Variants in SSBP2 observed in about 807,000 individuals in gnomAD.
SSBP2 encodes single-stranded DNA-binding protein 2.
Under a neutral mutation model 61.8 loss-of-function variants are expected in SSBP2, and 17 were observed. That is an observed-to-expected ratio of 0.28 (90% CI 0.19 to 0.41). The LOEUF (loss-of-function observed/expected upper bound fraction) is 0.41. SSBP2 is among the 10% of genes least tolerant of loss of function. The pLI is 1.00. For synonymous variants in SSBP2, 139 were observed against 141.3 expected, an observed-to-expected ratio of 0.98 and a Z score of 0.12; for missense variants, 310 against 458.7, an observed-to-expected ratio of 0.68 and a Z score of 2.96.
intron 4 of SSBP2, among the ~76,000 whole-genome samples, chr5:81,550,971 C>G (rs1772134310): frequency 6.6e-6 from 1 of 151,744 alleles, no homozygotes; most frequent in Non-Finnish European, 1.5e-5. Flanking sequence ...TGGCAGGCGC[C>G]TGTAGTCCCA....
intron 3 of SSBP2, chr5:81,616,164 T>A (rs1342192306): frequency 6.6e-6 from 1 of 151,982 alleles, no homozygotes; most frequent in Admixed American, 6.6e-5. Flanking sequence ...AGAAGACGGG[T>A]GATTTCTGCA....
At chr5:81,732,046 AT>A (rs1211290656) in intron 1 of SSBP2, among the ~76,000 whole-genome samples, 2 of 152,072 alleles carry the variant, frequency 1.3e-5, no homozygotes, top group East Asian at 3.8e-4. Flanking sequence ...CTCTAATATC[AT>A]CCACCTATGT....
chr5:81,487,258 T>C (rs892841339), intron 6 of SSBP2, among the ~76,000 whole-genome samples: 10 of 152,214 alleles, frequency 6.6e-5, no homozygotes, highest in Admixed American at 5.9e-4. Context: ...TCGGGTTATA[T>C]ACATACAGTG....
At chr5:81,588,243 G>A (rs1239242484) in intron 4 of SSBP2, among the ~76,000 whole-genome samples, 1 of 152,056 alleles carries the variant, frequency 6.6e-6, no homozygotes, top group African/African-American at 2.4e-5. Flanking sequence ...ATGCCTGGCT[G>A]AAAGACAATT....
intron 4 of SSBP2, among the ~76,000 whole-genome samples, chr5:81,530,025 G>C (rs1770273497): frequency 6.6e-6 from 1 of 151,978 alleles, no homozygotes; most frequent in Admixed American, 6.6e-5. Flanking sequence ...CAGAGATAGC[G>C]ATACAGAGAA....
At chr5:81,594,429 T>A (rs1273912211) in intron 4 of SSBP2, among the ~76,000 whole-genome samples, 1 of 152,116 alleles carries the variant, frequency 6.6e-6, no homozygotes, top group Non-Finnish European at 1.5e-5. Flanking sequence ...ATTAGACAGA[T>A]CAACGAGACA....
At chr5:81,704,079 T>G (rs924696728) in intron 1 of SSBP2, among the ~76,000 whole-genome samples, 2 of 152,196 alleles carry the variant, frequency 1.3e-5, no homozygotes, top group Admixed American at 1.3e-4. Flanking sequence ...ACTGTCCAGG[T>G]TCCACTGGCA....
intron 4 of SSBP2, among the ~76,000 whole-genome samples, chr5:81,573,333 T>C (rs1561553449): frequency 2.0e-5 from 3 of 152,210 alleles, no homozygotes; most frequent in Non-Finnish European, 4.4e-5. Flanking sequence ...ACACAGATAA[T>C]CCCAGAAGGG....
chr5:81,735,658 C>T (rs1398714118), intron 1 of SSBP2, among the ~76,000 whole-genome samples: 3 of 152,116 alleles, frequency 2.0e-5, no homozygotes, highest in South Asian at 2.1e-4. Context: ...GTTGAATCCT[C>T]GGATGTAGAA....
intron 3 of SSBP2, among the ~76,000 whole-genome samples, chr5:81,625,780 G>T (rs941645728): frequency 1.3e-5 from 2 of 152,286 alleles, no homozygotes; most frequent in Middle Eastern, 3.4e-3. Context: ...GGTTGTCAGA[G>T]AAGTCTACAA....
intron 4 of SSBP2, among the ~76,000 whole-genome samples, chr5:81,563,934 G>T (rs558480345): frequency 6.6e-6 from 1 of 152,262 alleles, no homozygotes; most frequent in African/African-American, 2.4e-5. Context: ...ATCAGTGGGT[G>T]TAAAGGCAAC....
At chr5:81,475,890 AATTGTGTGTGTATACAC>A (rs750319326) in intron 6 of SSBP2, among the ~76,000 whole-genome samples, 8 of 152,106 alleles carry the variant, frequency 5.3e-5, no homozygotes, top group African/African-American at 9.7e-5. Context: ...CTGATTGAAT[AATTGTGTGTGTATACAC>A]ATACACACAG....
chr5:81,724,702 G>A (rs940506533), intron 1 of SSBP2, among the ~76,000 whole-genome samples: 1 of 151,892 alleles, frequency 6.6e-6, no homozygotes, highest in African/African-American at 2.4e-5. Context: ...AAAATGGAGA[G>A]GGATATGTAA....
rs139574249 is a variant in SSBP2 at position 81,727,645 on chromosome 5, C to T, written c.62+23336G>A. 4.6e-5 allele frequency among the ~76,000 whole-genome samples: 7 copies of T among 152,202 alleles called. No homozygotes were observed. In the East Asian group the frequency reaches 5.8e-4, roughly 13 times the overall value. Reference sequence around the variant, plus strand: ...ATTTTATGGAAATATTCATCAAATGCGTATAATTTGAGATTTTTCTCAGAG... The same window carrying T: ...ATTTTATGGAAATATTCATCAAATGTGTATAATTTGAGATTTTTCTCAGAG... On this transcript the variant is annotated intron_variant, in intron 1 of 16. Coordinates refer to ENST00000320672, the MANE Select transcript of SSBP2 (RefSeq NM_012446.5).
At chr5:81,750,810 G>C in intron 1 of SSBP2, 171 bp downstream of exon 1, 1 of 722,556 alleles carries the variant, frequency 1.4e-6, no homozygotes, top group Non-Finnish European at 2.2e-6. Flanking sequence ...CACCTCCCGG[G>C]AAAGCGCAGC....
intron 1 of SSBP2, among the ~76,000 whole-genome samples, chr5:81,663,265 CCTAA>C (rs1174990625): frequency 3.3e-5 from 5 of 152,220 alleles, no homozygotes; most frequent in South Asian, 2.1e-4. Flanking sequence ...ACAGCTAATT[CCTAA>C]CTCTCTTTCT....
Position 81,433,417 on chromosome 5 carries a change from G to A in SSBP2, c.957+4013C>T, listed in dbSNP as rs1001682917. 7.7e-4 allele frequency among the ~76,000 whole-genome samples: 117 copies of A among 151,978 alleles called. 2 individuals are homozygous for A. Among genetic ancestry groups the A allele is most frequent in the African/African-American group, 2.7e-3 (112 of 41,432 alleles). ...ACAGATGCTTGAAGGCAGCATGCTC[G>A]TTAAGAGTCATCACCACTCCTTAAT... On this transcript the variant is annotated intron_variant, in intron 15 of 16. Coordinates refer to ENST00000320672, the MANE Select transcript of SSBP2 (RefSeq NM_012446.5).
intron 8 of SSBP2, among the ~76,000 whole-genome samples, chr5:81,469,173 C>T (rs987546793): frequency 6.6e-6 from 1 of 151,900 alleles, no homozygotes; most frequent in Non-Finnish European, 1.5e-5. Flanking sequence ...GCCACTGCCC[C>T]ATTGCCTCTG....
intron 1 of SSBP2, among the ~76,000 whole-genome samples, chr5:81,680,998 A>T (rs1486013026): frequency 2.0e-5 from 3 of 152,180 alleles, no homozygotes; most frequent in African/African-American, 7.2e-5. Context: ...TGGAACATTC[A>T]CTAAGACAAA....
Sources: gnomAD v4.1 joint callset for allele counts (sites outside exome capture counted in the v4.1 genomes callset) on GRCh38, gnomAD v4.1.1 for gene constraint, MANE v1.5 for transcripts, NCBI Gene and HGNC (gene_info 2026-07-23, HGNC 2026-07-21) for gene names.